SLC16A2: variants seen among roughly 807,000 people sequenced by gnomAD.
The protein encoded by SLC16A2 is monocarboxylate transporter 8.
SLC16A2 carries 3 observed loss-of-function variants against 27.2 expected under a neutral mutation model. That is an observed-to-expected ratio of 0.11 (90% CI 0.05 to 0.28). SLC16A2 has a LOEUF of 0.28. Ranked by LOEUF, SLC16A2 falls within the 10% of genes least tolerant of loss-of-function variation. SLC16A2 has a pLI of 1.00. For missense variants in SLC16A2, 295 were observed against 458.5 expected, an observed-to-expected ratio of 0.64 and a Z score of 3.26; for synonymous variants, 202 against 187.8, an observed-to-expected ratio of 1.08 and a Z score of -0.62.
At chrX:74,447,814 C>T (rs1928865331) in intron 1 of SLC16A2, among the ~76,000 whole-genome samples, 1 of 110,431 alleles carries the variant, frequency 9.1e-6, no homozygotes. Context: ...GACAAAACCC[C>T]GTCTCTACTA....
Position 74,421,699 on chromosome X carries a change from A to G in SLC16A2, c.62A>G (p.Glu21Gly). Residue 21 changes from glutamate (E) to glycine (G), a missense_variant, in exon 1 of 6, where the codon GAA (glutamate) becomes GGA (glycine). This residue lies in a region of SLC16A2 where 92 missense variants were observed against 85.1 expected (regional missense o/e 1.08). Coordinates refer to ENST00000587091, the MANE Select transcript of SLC16A2 (RefSeq NM_006517.5). Reference protein sequence around the residue: ...AKGPWQEADQEQQEPVGSPEP... With the variant: ...AKGPWQEADQGQQEPVGSPEP... ...GGGCCCTGGCAGGAGGCAGACCAGGAACAGCAGGAGCCGGTGGGTAGCCCA... is the reference window on the plus strand; with the variant it reads ...GGGCCCTGGCAGGAGGCAGACCAGGGACAGCAGGAGCCGGTGGGTAGCCCA... The G allele has an allele frequency of 8.4e-7, 1 of 1,191,521 alleles. No homozygotes were observed. Among genetic ancestry groups the G allele is most frequent in the Non-Finnish European group, 1.1e-6 (1 of 887,641 alleles).
chrX:74,523,377 C>T (rs1294674470), intron 2 of SLC16A2, among the ~76,000 whole-genome samples: 4 of 112,380 alleles, frequency 3.6e-5, no homozygotes, highest in Non-Finnish European at 7.5e-5. Flanking sequence ...AACTGCCTGA[C>T]CAAGAAGAGT....
chrX:74,475,957 A>G (rs373104621), intron 1 of SLC16A2, among the ~76,000 whole-genome samples: 7 of 111,167 alleles, frequency 6.3e-5, no homozygotes, highest in Admixed American at 3.9e-4. Context: ...TTGACTTGGC[A>G]ATGTGGGCTC....
intron 1 of SLC16A2, among the ~76,000 whole-genome samples, chrX:74,446,440 C>T (rs922365734): frequency 9.0e-6 from 1 of 110,847 alleles, no homozygotes; most frequent in Non-Finnish European, 1.9e-5. Flanking sequence ...GGCAACATGG[C>T]GAAACCCCAT....
intron 1 of SLC16A2, among the ~76,000 whole-genome samples, chrX:74,472,346 T>G (rs1004798856): frequency 8.9e-6 from 1 of 112,071 alleles, no homozygotes; most frequent in Non-Finnish European, 1.9e-5. Context: ...TATGTAGGTA[T>G]GTACTTCATT....
intron 1 of SLC16A2, among the ~76,000 whole-genome samples, chrX:74,469,269 G>A (rs1929307234): frequency 8.9e-6 from 1 of 111,806 alleles, no homozygotes; most frequent in Non-Finnish European, 1.9e-5. Flanking sequence ...ATTGCATATA[G>A]TGCTGCAACA....
intron 1 of SLC16A2, among the ~76,000 whole-genome samples, chrX:74,429,110 G>A (rs1194655615): frequency 1.8e-5 from 2 of 110,885 alleles, no homozygotes; most frequent in Admixed American, 9.6e-5. Context: ...TCCAGCCCAG[G>A]AGGTTGAGGC....
intron 1 of SLC16A2, among the ~76,000 whole-genome samples, chrX:74,506,484 A>G (rs757463191): frequency 1.3e-4 from 14 of 111,877 alleles, no homozygotes; most frequent in African/African-American, 4.5e-4. Context: ...CCTAGAGTTC[A>G]GGAAGGCCAA....
intron 1 of SLC16A2, among the ~76,000 whole-genome samples, chrX:74,507,066 A>C (rs1005615847): frequency 9.4e-6 from 1 of 106,744 alleles, no homozygotes; most frequent in Non-Finnish European, 1.9e-5. Context: ...CTCCCCCCCC[A>C]ACCACAAGTA....
chrX:74,422,115 G>C lies in SLC16A2; in HGVS notation c.430+48G>C, dbSNP rs759966801. 37 of 1,140,940 alleles carry C rather than the reference G, an allele frequency of 3.2e-5. No individual in the cohort carries two copies. In the African/African-American group the frequency reaches 6.4e-4, roughly 20 times the overall value. The allele number at this position is 1,140,940 out of a possible 1,213,427, so 94.0% of individuals were successfully genotyped here. Reference sequence around the variant, plus strand: ...CTTGGCATTTTGGGCAAGGTTGGCCGCTCCCGCTGCCACCGACCCCATACC... The same window carrying C: ...CTTGGCATTTTGGGCAAGGTTGGCCCCTCCCGCTGCCACCGACCCCATACC... On this transcript the variant is annotated intron_variant, in intron 1 of 5. Coordinates refer to ENST00000587091, the MANE Select transcript of SLC16A2 (RefSeq NM_006517.5).
chrX:74,430,618 C>A (rs1440235557), intron 1 of SLC16A2, among the ~76,000 whole-genome samples: 1 of 112,263 alleles, frequency 8.9e-6, no homozygotes, highest in Non-Finnish European at 1.9e-5. Flanking sequence ...CATCTCACAC[C>A]AGTCAGAATG....
chrX:74,529,647 T>A (rs1298430352), intron 5 of SLC16A2, among the ~76,000 whole-genome samples: 5 of 110,308 alleles, frequency 4.5e-5, no homozygotes, highest in Non-Finnish European at 9.5e-5. Flanking sequence ...CGGGATGGAT[T>A]TTCCATGGTG....
chrX:74,504,342 A>C (rs1930087413), intron 1 of SLC16A2, among the ~76,000 whole-genome samples: 1 of 109,746 alleles, frequency 9.1e-6, no homozygotes, highest in African/African-American at 3.3e-5. Flanking sequence ...GGCATATTGA[A>C]TTAGAGGAAG....
At chrX:74,478,350 C>T (rs192603461) in intron 1 of SLC16A2, among the ~76,000 whole-genome samples, 1 of 111,404 alleles carries the variant, frequency 9.0e-6, no homozygotes, top group East Asian at 2.8e-4. Context: ...GGTAGATCTT[C>T]CTCCATCCCT....
At chrX:74,490,225 G>A (rs1246024172) in intron 1 of SLC16A2, among the ~76,000 whole-genome samples, 5 of 110,958 alleles carry the variant, frequency 4.5e-5, no homozygotes, top group Non-Finnish European at 9.4e-5. Context: ...TTTCCTTAAC[G>A]TAAATGTGAA....
chrX:74,530,371 A>T (rs1311291981), intron 5 of SLC16A2, among the ~76,000 whole-genome samples: 2 of 111,994 alleles, frequency 1.8e-5, no homozygotes, highest in Non-Finnish European at 3.8e-5. Flanking sequence ...AAGTGCTGGG[A>T]TTACAGGCGT....
At chrX:74,442,377 G>C (rs1057017592) in intron 1 of SLC16A2, among the ~76,000 whole-genome samples, 1 of 111,153 alleles carries the variant, frequency 9.0e-6, no homozygotes, top group Non-Finnish European at 1.9e-5. Flanking sequence ...CAAAACCACT[G>C]TTCTTTTCTC....
chrX:74,433,324 A>G (rs753087375), intron 1 of SLC16A2, among the ~76,000 whole-genome samples: 1 of 108,690 alleles, frequency 9.2e-6, no homozygotes, highest in Non-Finnish European at 1.9e-5. Flanking sequence ...GTGAGCCAAG[A>G]TTGTGCCACT....
chrX:74,434,816 G>GT (rs1210272092), intron 1 of SLC16A2, among the ~76,000 whole-genome samples: 2,365 of 89,209 alleles, frequency 0.027, 85 homozygotes, highest in African/African-American at 0.082. Flanking sequence ...ATCTTAGTTT[G>GT]TTTTTTTTTT....
Sources: allele counts gnomAD v4.1 joint callset (sites outside exome capture counted in the v4.1 genomes callset), GRCh38; gene constraint gnomAD v4.1.1; regional missense constraint gnomAD v4.1.1; transcripts MANE v1.5; gene names NCBI Gene and HGNC (gene_info 2026-07-23, HGNC 2026-07-21).